RFX3: variants seen among roughly 807,000 people sequenced by gnomAD.
RFX3 encodes the protein regulatory factor X3, also known as transcription factor RFX3.
Under a neutral mutation model 98.6 loss-of-function variants are expected in RFX3, and 14 were observed. That is an observed-to-expected ratio of 0.14 (90% CI 0.09 to 0.22). RFX3 has a LOEUF of 0.22. RFX3 is among the 10% of genes least tolerant of loss of function. The probability of loss-of-function intolerance (pLI) is 1.00; values close to 1 mark genes in which losing one functional copy is unlikely to be tolerated. For missense variants in RFX3, 639 were observed against 926.9 expected (o/e 0.69, Z 4.03); for synonymous variants, 383 against 328.4 (o/e 1.17, Z -1.80).
chr9:3,506,664 C>G (rs1817128542), intron 1 of RFX3, among the ~76,000 whole-genome samples: 1 of 151,542 alleles, frequency 6.6e-6, no homozygotes, highest in African/African-American at 2.4e-5. Flanking sequence ...GGAATTATAT[C>G]TATATATAGA....
rs1312087295 is a variant in RFX3 at position 3,222,688 on chromosome 9, C to G, written c.*2354G>C. 1 of 152,212 alleles carries G rather than the reference C, an allele frequency of 6.6e-6. No individual in the cohort carries two copies. 9.4% of individuals were successfully genotyped at this position (152,212 alleles called of 1,614,324 possible). A position where few individuals can be genotyped will look rare whatever the true frequency, so the allele number is the denominator to read the frequency against. On this transcript the variant is annotated 3_prime_UTR_variant, in exon 17 of 17. Transcript: ENST00000617270. ...TTTTAATTTTACCTGTAAACACTTC[C>G]TATGCACAATGAAGTAGATACATGA...
At chr9:3,365,038 A>G (rs1836889001) in intron 2 of RFX3, among the ~76,000 whole-genome samples, 1 of 152,232 alleles carries the variant, frequency 6.6e-6, no homozygotes, top group Admixed American at 6.5e-5. Context: ...GTGGTGGCTC[A>G]CGCCTGTAAT....
chr9:3,399,310 G>T (rs1159997624), intron 1 of RFX3, among the ~76,000 whole-genome samples: 1 of 151,518 alleles, frequency 6.6e-6, no homozygotes, highest in Non-Finnish European at 1.5e-5. Flanking sequence ...TGGTCATGGT[G>T]GTGGGCACCT....
At chr9:3,286,541 G>T (rs1826630430) in intron 7 of RFX3, among the ~76,000 whole-genome samples, 1 of 151,730 alleles carries the variant, frequency 6.6e-6, no homozygotes, top group Non-Finnish European at 1.5e-5. Flanking sequence ...AAAAGCCACT[G>T]AACAAGGATC....
chr9:3,271,824 G>A (rs866059793), intron 9 of RFX3, among the ~76,000 whole-genome samples: 31 of 152,178 alleles, frequency 2.0e-4, no homozygotes, highest in African/African-American at 6.5e-4. Flanking sequence ...GCCAAACAGA[G>A]GCTGGGGCAG....
At chr9:3,398,317 TTCTTC>T (rs1401874832) in intron 1 of RFX3, among the ~76,000 whole-genome samples, 1 of 151,504 alleles carries the variant, frequency 6.6e-6, no homozygotes, top group East Asian at 1.9e-4. Flanking sequence ...CTCTTCCTCT[TTCTTC>T]TACCACAGAC....
rs1332643140 is a variant in RFX3, at chr9:3,277,587, T to A, written c.852-126A>T. The A allele has an allele frequency of 1.4e-5, 11 of 764,696 alleles. No homozygotes were observed. The East Asian group carries it at 2.9e-4, about 20-fold the overall frequency. 47.4% of individuals were successfully genotyped at this position (764,696 alleles called of 1,614,324 possible). On this transcript the variant is annotated intron_variant, in intron 7 of 16. Coordinates refer to ENST00000617270, the MANE Select transcript of RFX3 (RefSeq NM_001282116.2). ...TAACGTCTCATGATAGTTGTAGGAT[T>A]TTTTTCCTTGATAGTCTCATAAAGT... is the stretch of plus-strand genomic sequence containing the variant.
At chr9:3,245,080 C>G (rs7869158) in intron 15 of RFX3, among the ~76,000 whole-genome samples, 20,856 of 152,132 alleles carry the variant, frequency 0.14, 1,999 homozygotes, top group African/African-American at 0.27. Context: ...TTTATTGTTT[C>G]CAGGTATTAC....
intron 1 of RFX3, among the ~76,000 whole-genome samples, chr9:3,503,071 G>C (rs1364591536): frequency 6.6e-6 from 1 of 152,038 alleles, no homozygotes; most frequent in Admixed American, 6.6e-5. Flanking sequence ...TAAACACAAC[G>C]GTGGTACAAA....
At chr9:3,348,716 T>C (rs1269588944) in intron 2 of RFX3, among the ~76,000 whole-genome samples, 1 of 152,096 alleles carries the variant, frequency 6.6e-6, no homozygotes, top group Non-Finnish European at 1.5e-5. Context: ...TGTTTTTGTT[T>C]GTATCCTTAC....
intron 1 of RFX3, among the ~76,000 whole-genome samples, chr9:3,446,607 A>G (rs1846075314): frequency 1.3e-5 from 2 of 151,990 alleles, no homozygotes; most frequent in African/African-American, 4.8e-5. Context: ...ACTTCAAAAA[A>G]AAAAACATAC....
At chr9:3,408,825 C>T (rs567249739) in intron 1 of RFX3, among the ~76,000 whole-genome samples, 52 of 152,172 alleles carry the variant, frequency 3.4e-4, no homozygotes, top group Non-Finnish European at 6.5e-4. Flanking sequence ...AGTAGTCTTC[C>T]ACTACTGCCT....
chr9:3,421,531 T>C (rs901428173), intron 1 of RFX3, among the ~76,000 whole-genome samples: 6 of 152,232 alleles, frequency 3.9e-5, no homozygotes, highest in Admixed American at 3.3e-4. Context: ...TTAAAGCAAA[T>C]ACTCTATCTA....
chr9:3,489,752 A>C (rs1850589567), intron 1 of RFX3, among the ~76,000 whole-genome samples: 1 of 152,220 alleles, frequency 6.6e-6, no homozygotes, highest in Non-Finnish European at 1.5e-5. Flanking sequence ...TGGGTATCAA[A>C]GGACAGGAAA....
At chr9:3,320,705 C>CAT (rs1252581832) in intron 4 of RFX3, among the ~76,000 whole-genome samples, 8 of 141,614 alleles carry the variant, frequency 5.6e-5, no homozygotes, top group African/African-American at 7.9e-5. Context: ...TGTGTGTGTG[C>CAT]ATATATATAC....
chr9:3,414,698 G>A (rs1347591558), intron 1 of RFX3, among the ~76,000 whole-genome samples: 1 of 68,606 alleles, frequency 1.5e-5, no homozygotes, highest in Admixed American at 1.5e-4. Flanking sequence ...ATGTATATAT[G>A]AGTATATATG....
intron 2 of RFX3, among the ~76,000 whole-genome samples, chr9:3,387,615 TA>T (rs1839858388): frequency 6.7e-6 from 1 of 149,246 alleles, no homozygotes; most frequent in Non-Finnish European, 1.5e-5. Flanking sequence ...CTCCAAGAGC[TA>T]AAATCATTGT....
At chr9:3,485,001 A>T (rs1231492106) in intron 1 of RFX3, among the ~76,000 whole-genome samples, 1 of 151,654 alleles carries the variant, frequency 6.6e-6, no homozygotes, top group East Asian at 1.9e-4. Flanking sequence ...TGGGAGGCTC[A>T]GGCAGGAGGC....
At chr9:3,413,076 G>C (rs923944011) in intron 1 of RFX3, among the ~76,000 whole-genome samples, 2 of 151,320 alleles carry the variant, frequency 1.3e-5, no homozygotes, top group South Asian at 2.1e-4. Flanking sequence ...CTCTCTCCTT[G>C]AGAAATAAAC....
Sources: allele counts gnomAD v4.1 joint callset (sites outside exome capture counted in the v4.1 genomes callset), GRCh38; gene constraint gnomAD v4.1.1; transcripts MANE v1.5; gene names NCBI Gene and HGNC (gene_info 2026-07-23, HGNC 2026-07-21).